Variants in LRBA observed in about 807,000 individuals in gnomAD.
LRBA encodes the protein LPS responsive beige-like anchor protein.
LRBA carries 176 observed loss-of-function variants against 330.0 expected under a neutral mutation model. The observed-to-expected ratio is 0.53, with a 90% CI of 0.47 to 0.60. LRBA has a LOEUF of 0.60. Among genes scored for constraint, LRBA ranks in the 20% least tolerant of loss-of-function variants. The probability of loss-of-function intolerance (pLI) is 0.00; values close to 1 mark genes in which losing one functional copy is unlikely to be tolerated. For synonymous variants in LRBA, 1,230 were observed against 1,193.0 expected, an observed-to-expected ratio of 1.03 and a Z score of -0.64; for missense variants, 3,259 against 3,444.8, an observed-to-expected ratio of 0.95 and a Z score of 1.35.
intron 16 of LRBA, 59 bp downstream of exon 16, chr4:150,896,334 TA>T (rs908690882): frequency 1.1e-6 from 1 of 880,234 alleles, no homozygotes; most frequent in South Asian, 1.6e-5. Flanking sequence ...TTTTTACTTT[TA>T]AAAAAGTCTA....
chr4:150,748,495 C>T (rs1331960211), intron 35 of LRBA, among the ~76,000 whole-genome samples: 4 of 151,958 alleles, frequency 2.6e-5, no homozygotes, highest in East Asian at 1.9e-4. Context: ...GGTGAAACCC[C>T]GTCTCTACTA....
intron 17 of LRBA, among the ~76,000 whole-genome samples, chr4:150,890,970 C>T (rs2127088891): frequency 6.6e-6 from 1 of 152,054 alleles, no homozygotes; most frequent in Non-Finnish European, 1.5e-5. Flanking sequence ...TAAAGCACAT[C>T]CACACAAATA....
In LRBA at chr4:150,465,321, G is replaced by T. The variant is rs537530384; in HGVS notation, c.6780+2352C>A. Among the ~76,000 whole-genome samples the T allele has an allele frequency of 4.6e-5, 7 of 152,156 alleles. No individual in the cohort carries two copies. In the South Asian group the frequency reaches 1.5e-3, roughly 32 times the overall value. On this transcript the variant is annotated intron_variant, in intron 44 of 56. Transcript: ENST00000651943. ...TTATCTGTCGATGGACATTTGGGTT[G>T]TTTCTATCTCTTAGCTGTTGTGTGT... is the stretch of plus-strand genomic sequence containing the variant.
intron 40 of LRBA, among the ~76,000 whole-genome samples, chr4:150,499,451 T>C (rs1234208856): frequency 6.6e-6 from 1 of 152,058 alleles, no homozygotes; most frequent in Non-Finnish European, 1.5e-5. Context: ...CAGACCAGAC[T>C]GGGAAATACA....
At chr4:150,348,547 C>T (rs2127048104) in intron 48 of LRBA, among the ~76,000 whole-genome samples, 1 of 152,034 alleles carries the variant, frequency 6.6e-6, no homozygotes, top group Non-Finnish European at 1.5e-5. Context: ...TATGCTGGTA[C>T]AAAAAACAAT....
intron 37 of LRBA, among the ~76,000 whole-genome samples, chr4:150,620,303 C>A (rs1399025413): frequency 6.6e-6 from 1 of 152,102 alleles, no homozygotes; most frequent in Non-Finnish European, 1.5e-5. Context: ...AGTCAAAAAA[C>A]AGTAGATGTT....
chr4:150,974,312 T>A (rs956085674), intron 2 of LRBA, among the ~76,000 whole-genome samples: 2 of 152,176 alleles, frequency 1.3e-5, no homozygotes, highest in African/African-American at 2.4e-5. Context: ...GAAGGTTACC[T>A]GAGAAATTGC....
At chr4:150,718,157 T>C (rs1728475753) in intron 36 of LRBA, among the ~76,000 whole-genome samples, 1 of 152,114 alleles carries the variant, frequency 6.6e-6, no homozygotes, top group African/African-American at 2.4e-5. Flanking sequence ...TCATCAATGA[T>C]GTCATGACAT....
At chr4:150,456,090 G>A (rs1471689020) in intron 44 of LRBA, among the ~76,000 whole-genome samples, 1 of 152,060 alleles carries the variant, frequency 6.6e-6, no homozygotes, top group Non-Finnish European at 1.5e-5. Context: ...TACTTAGGTT[G>A]CTTCCAAATC....
At chr4:150,803,455 T>C (rs1742060305) in intron 33 of LRBA, among the ~76,000 whole-genome samples, 1 of 152,194 alleles carries the variant, frequency 6.6e-6, no homozygotes, top group Admixed American at 6.5e-5. Flanking sequence ...AAATTTGAAA[T>C]TTTCATTAAA....
intron 39 of LRBA, among the ~76,000 whole-genome samples, chr4:150,589,090 C>T (rs964190117): frequency 6.8e-6 from 1 of 146,582 alleles, no homozygotes; most frequent in Non-Finnish European, 1.5e-5. Flanking sequence ...GAGAGATCGA[C>T]GTAGAAAGAA....
At chr4:150,572,837 C>A (rs1390462783) in intron 40 of LRBA, among the ~76,000 whole-genome samples, 1 of 152,068 alleles carries the variant, frequency 6.6e-6, no homozygotes, top group South Asian at 2.1e-4. Context: ...GACATACCTG[C>A]CTCTGTCACC....
intron 42 of LRBA, among the ~76,000 whole-genome samples, chr4:150,473,914 A>T (rs1756428039): frequency 6.6e-6 from 1 of 152,198 alleles, no homozygotes; most frequent in South Asian, 2.1e-4. Context: ...ATGTTGTATC[A>T]GTCTGTGGCT....
intron 50 of LRBA, among the ~76,000 whole-genome samples, chr4:150,320,730 C>A (rs148723752): frequency 0.011 from 1,643 of 152,140 alleles, 27 homozygotes; most frequent in African/African-American, 0.038. Flanking sequence ...TTGCTTGTGC[C>A]CAGGAGTTCA....
chr4:150,805,520 AAAAGGAAAGGAAAG>A (rs1742590317), intron 33 of LRBA, among the ~76,000 whole-genome samples: 1 of 123,504 alleles, frequency 8.1e-6, no homozygotes, highest in Non-Finnish European at 1.7e-5. Context: ...GAAGGAAAGG[AAAAGGAAAGGAAAG>A]GAAGGGAGAA....
chr4:150,812,852 T>A (rs1185405986), intron 31 of LRBA, among the ~76,000 whole-genome samples: 2 of 152,182 alleles, frequency 1.3e-5, no homozygotes, highest in Non-Finnish European at 2.9e-5. Context: ...TCATTTATGC[T>A]TTGCAATATA....
chr4:150,826,194 T>C (rs1162446176), intron 30 of LRBA, among the ~76,000 whole-genome samples: 2 of 152,114 alleles, frequency 1.3e-5, no homozygotes, highest in Non-Finnish European at 2.9e-5. Flanking sequence ...ATGATCAAGA[T>C]AACAGGAGAA....
chr4:150,733,576 T>TCACA lies in LRBA; in HGVS notation c.5754+1678_5754+1681dup, dbSNP rs34846017. On this transcript the variant is annotated intron_variant, in intron 36 of 56. Transcript: ENST00000651943. ...TTCTGTCTCTCTCTCTCTCTCTCTC[T>TCACA]CACACACACACACACACACACACCT... 2.0e-3 allele frequency among the ~76,000 whole-genome samples: 285 copies of TCACA among 145,474 alleles called. 2 individuals are homozygous for TCACA. The highest frequency in any genetic ancestry group is 6.8e-3 in the African/African-American group (272 of 40,088).
chr4:150,404,170 G>T (rs1270629809), intron 47 of LRBA, among the ~76,000 whole-genome samples: 1 of 152,136 alleles, frequency 6.6e-6, no homozygotes, highest in Non-Finnish European at 1.5e-5. Context: ...AAAGGGCCTG[G>T]CATGGGTCTT....
Sources: allele counts gnomAD v4.1 joint callset (sites outside exome capture counted in the v4.1 genomes callset), GRCh38; gene constraint gnomAD v4.1.1; transcripts MANE v1.5; gene names NCBI Gene and HGNC (gene_info 2026-07-23, HGNC 2026-07-21).